The following ZNF202 variants were observed in gnomAD, a reference collection of about 807,000 sequenced individuals.
ZNF202 encodes the protein zinc finger protein 202.
In ZNF202, 22 loss-of-function variants were observed where a neutral mutation model predicts 54.5. The ratio of observed to expected loss-of-function variants is 0.40; its 90% CI spans 0.29 to 0.58. The LOEUF (loss-of-function observed/expected upper bound fraction) is 0.58. Ranked by LOEUF, ZNF202 falls within the 20% of genes least tolerant of loss-of-function variation. The pLI is 0.39. For missense variants in ZNF202, 644 were observed against 805.5 expected (o/e 0.80, Z 2.43); for synonymous variants, 294 against 301.4 (o/e 0.98, Z 0.26).
chr11:123,724,523 T>C lies in ZNF202; in HGVS notation c.*1474A>G, dbSNP rs1327434347. The C allele has an allele frequency of 1.3e-5, 2 of 152,150 alleles. No individual in the cohort carries two copies. Among genetic ancestry groups the C allele is most frequent in the Non-Finnish European group, 2.9e-5 (2 of 68,024 alleles). The allele number at this position is 152,150 out of a possible 1,614,324, so 9.4% of individuals were successfully genotyped here. A position where few individuals can be genotyped will look rare whatever the true frequency, so the allele number is the denominator to read the frequency against. On this transcript the variant is annotated 3_prime_UTR_variant, in exon 9 of 9. Transcript: ENST00000530393. ...CCCTATTCCTCGGGCCCATAATGCA[T>C]TATGAGATAGAGGAGAAGAAACCAG...
At chr11:123,731,536 G>T (rs1144504) in intron 3 of ZNF202, among the ~76,000 whole-genome samples, 1 of 152,128 alleles carries the variant, frequency 6.6e-6, no homozygotes, top group African/African-American at 2.4e-5. Context: ...CCAACCATGA[G>T]GGAGATGTGT....
At chr11:123,732,111 G>A (rs1861432195) in intron 3 of ZNF202, among the ~76,000 whole-genome samples, 2 of 152,014 alleles carry the variant, frequency 1.3e-5, no homozygotes, top group Non-Finnish European at 2.9e-5. Flanking sequence ...TCTTTTTAAC[G>A]GGTCTTGTCT....
chr11:123,726,417 G>C lies in ZNF202; in HGVS notation c.1527C>G (p.Phe509Leu). ...HQRTHTGEKP[F>L]FCTICGKSFS... ...AGCTTTTGCCACAAATAGTACAAAAGAAGGGTTTTTCTCCAGTATGTGTCC... is the reference window on the plus strand; with the variant it reads ...AGCTTTTGCCACAAATAGTACAAAACAAGGGTTTTTCTCCAGTATGTGTCC... Residue 509 changes from phenylalanine to leucine, a missense_variant, in exon 9 of 9, where the codon TTC (phenylalanine) becomes TTG (leucine). Phe to Leu is a conservative substitution (Grantham distance 22). Coordinates refer to ENST00000530393, the MANE Select transcript of ZNF202 (RefSeq NM_003455.4). This position sits in a 1 kb window ranked among gnomAD's most constrained non-coding sequence, Gnocchi z 6.0. The C allele has an allele frequency of 6.2e-7, 1 of 1,614,224 alleles. No individual in the cohort carries two copies. Among genetic ancestry groups the C allele is most frequent in the Non-Finnish European group, 8.5e-7 (1 of 1,180,044 alleles).
Position 123,730,371 on chromosome 11 carries a change from C to G in ZNF202, c.402+116G>C. Reference sequence around the variant, plus strand: ...ATGGGGCTCATGGTATATGAGCAACCCAAGGGCAGAGCCCACTAATAATTT... The same window carrying G: ...ATGGGGCTCATGGTATATGAGCAACGCAAGGGCAGAGCCCACTAATAATTT... On this transcript the variant is annotated intron_variant, in intron 4 of 8. Transcript: ENST00000530393. This position sits in a 1 kb window ranked among gnomAD's most constrained non-coding sequence, Gnocchi z 6.0. 1 of 1,353,754 alleles carries G rather than the reference C, an allele frequency of 7.4e-7. No homozygotes were observed. Among genetic ancestry groups the G allele is most frequent in the Admixed American group, 2.4e-5 (1 of 41,896 alleles). 83.9% of individuals were successfully genotyped at this position (1,353,754 alleles called of 1,614,324 possible).
At position 123,723,925 on chromosome 11, in the gene ZNF202, T is replaced by C. The variant is rs891757086; in HGVS notation, c.*2072A>G. ...CCAGCCTCACAAGCTTTCCCTCATG[T>C]AGAACTCTGACAGATTTTCATTTAT... On this transcript the variant is annotated 3_prime_UTR_variant, in exon 9 of 9. Transcript: ENST00000530393. Among the ~76,000 whole-genome samples, 1 of 152,230 alleles carries C rather than the reference T, an allele frequency of 6.6e-6. No individual in the cohort carries two copies. The highest frequency in any genetic ancestry group is 1.5e-5 in the Non-Finnish European group (1 of 68,042).
In ZNF202 at chr11:123,730,841, C is replaced by T. The variant is rs1399965292; in HGVS notation, c.48G>A (p.Glu16=). The change falls in exon 4 of 9, where the codon GAG becomes GAA. Residue 16 remains glutamate, a synonymous_variant. Coordinates refer to ENST00000530393, the MANE Select transcript of ZNF202 (RefSeq NM_003455.4). This position sits in a 1 kb window ranked among gnomAD's most constrained non-coding sequence, Gnocchi z 6.0. The part of the protein sequence containing the change: ...EPEDQDLWEE[E]GILMVKLEDD... ...CTTCCAGTTTCACCATCAGAATTCC[C>T]TCTTCTTCCCAAAGATCCTGGTCCT... is the stretch of plus-strand genomic sequence containing the variant. The T allele has an allele frequency of 1.9e-6, 3 of 1,614,048 alleles. No individual in the cohort carries two copies. Among genetic ancestry groups the T allele is most frequent in the Non-Finnish European group, 2.5e-6 (3 of 1,180,044 alleles).
Position 123,726,245 on chromosome 11 carries a change from A to G in ZNF202, c.1699T>C (p.Cys567Arg). ...GTGAAGCAGCGCCCGCACTCGCTGC[A>G]GAGGTAGAGTTCCTCAGCAGCGTGC... ...KTHAAEELYL[C>R]SECGRCFTHS... The change falls in exon 9 of 9, where the codon TGC becomes CGC. Residue 567 changes from cysteine (C) to arginine (R), a missense_variant. Cys to Arg is a radical substitution (Grantham distance 180). Transcript: ENST00000530393. The surrounding 1 kb of genome is among the most constrained non-coding windows in gnomAD (Gnocchi z 6.0). The G allele has an allele frequency of 6.2e-7, 1 of 1,614,226 alleles. No individual in the cohort carries two copies. The highest frequency in any genetic ancestry group is 8.5e-7 in the Non-Finnish European group (1 of 1,180,046).
At chr11:123,731,251 C>A (rs1861394340) in intron 3 of ZNF202, among the ~76,000 whole-genome samples, 2 of 152,164 alleles carry the variant, frequency 1.3e-5, no homozygotes, top group Non-Finnish European at 2.9e-5. Flanking sequence ...CTGCCAATTC[C>A]CCCGCTTAAG....
intron 3 of ZNF202, among the ~76,000 whole-genome samples, chr11:123,733,814 C>T (rs1861515198): frequency 6.6e-6 from 1 of 152,112 alleles, no homozygotes; most frequent in African/African-American, 2.4e-5. Flanking sequence ...TTTGGCCTAC[C>T]CAAGGTTCTG....
Position 123,725,996 on chromosome 11 carries a change from G to A in ZNF202, c.*1C>T, listed in dbSNP as rs771827999. 26 of 1,608,402 alleles carry A rather than the reference G, an allele frequency of 1.6e-5. 1 individual carries two copies. In the South Asian group the frequency reaches 2.5e-4, roughly 16 times the overall value. The stretch of plus-strand genomic sequence containing the variant: ...GCAGATCTCCTCACATGGGGACCTA[G>A]CTAGGAGGTCTTTTCTGAGTGGGTC... On this transcript the variant is annotated 3_prime_UTR_variant, in exon 9 of 9. Coordinates refer to ENST00000530393, the MANE Select transcript of ZNF202 (RefSeq NM_003455.4).
chr11:123,731,372 A>G (rs537184251), intron 3 of ZNF202, among the ~76,000 whole-genome samples: 1 of 152,356 alleles, frequency 6.6e-6, no homozygotes, highest in African/African-American at 2.4e-5. Flanking sequence ...GCAGTACTCA[A>G]CTATAAGCAA....
intron 3 of ZNF202, among the ~76,000 whole-genome samples, chr11:123,739,190 A>G (rs1481693952): frequency 2.0e-5 from 3 of 152,252 alleles, no homozygotes; most frequent in Non-Finnish European, 4.4e-5. Context: ...TGGGTAATAA[A>G]CCATTCACAG....
chr11:123,726,313 T>G lies in ZNF202; in HGVS notation c.1631A>C (p.Glu544Ala), dbSNP rs781076085. 15 of 1,614,206 alleles carry G rather than the reference T, an allele frequency of 9.3e-6. No individual in the cohort carries two copies. Among genetic ancestry groups the G allele is most frequent in the Non-Finnish European group, 1.2e-5 (14 of 1,180,032 alleles). Residue 544 changes from glutamate (E) to alanine (A), a missense_variant, in exon 9 of 9, where the codon GAG becomes GCG. Transcript: ENST00000530393. The surrounding 1 kb of genome is among the most constrained non-coding windows in gnomAD (Gnocchi z 6.0). ...GTACCGCCTGTGTTCACTGAAGTCC[T>G]CACCACACTCTCCACACAAGTAGGG... ...GKPYLCGECG[E>A]DFSEHRRYLA...
chr11:123,727,052 A>G (rs1861183438), intron 8 of ZNF202, 61 bp from the exon 9 acceptor site: 1 of 1,531,268 alleles, frequency 6.5e-7, no homozygotes, highest in Non-Finnish European at 8.7e-7. Flanking sequence ...CTTCTACACA[A>G]TGGGGAGATT....
rs1861103079 is a variant in ZNF202, at chr11:123,725,785, T to A, written c.*212A>T. The A allele has an allele frequency of 5.2e-6, 3 of 577,446 alleles. No individual in the cohort carries two copies. Among genetic ancestry groups the A allele is most frequent in the Non-Finnish European group, 9.0e-6 (3 of 335,182 alleles). 35.8% of individuals were successfully genotyped at this position (577,446 alleles called of 1,614,324 possible). ...GAAGGAGAAGCCTCAATTCAGGTTG[T>A]ACTTTGGATGAAACATCCCCTCAAG... On this transcript the variant is annotated 3_prime_UTR_variant, in exon 9 of 9. Transcript: ENST00000530393.
In ZNF202 at chr11:123,728,381, G is replaced by C. The variant is rs899245222; in HGVS notation, c.703-119C>G. On this transcript the variant is annotated intron_variant, in intron 6 of 8. Transcript: ENST00000530393. ...AGGAGATGAAAGGAGCTTGAGTGGC[G>C]GGCTGCTTAAACTCATTCTCGGGGG... 10 of 1,305,874 alleles carry C rather than the reference G, an allele frequency of 7.7e-6. No individual in the cohort carries two copies. In the East Asian group the frequency reaches 3.3e-4, roughly 43 times the overall value. The allele number at this position is 1,305,874 out of a possible 1,614,324, so 80.9% of individuals were successfully genotyped here.
chr11:123,728,420 C>T lies in ZNF202; in HGVS notation c.703-158G>A, dbSNP rs1861252651. ...CATTCTCGGGGGAGCCATGTGTCCCCTGTGGCACTGGCCCTGCCCCCTCCA... is the reference window on the plus strand; with the variant it reads ...CATTCTCGGGGGAGCCATGTGTCCCTTGTGGCACTGGCCCTGCCCCCTCCA... On this transcript the variant is annotated intron_variant, in intron 6 of 8. Transcript: ENST00000530393. 2.6e-5 allele frequency among the ~76,000 whole-genome samples: 4 copies of T among 152,032 alleles called. No individual in the cohort carries two copies. The South Asian group carries it at 8.3e-4, about 32-fold the overall frequency.
intron 3 of ZNF202, among the ~76,000 whole-genome samples, chr11:123,736,297 A>T (rs904490920): frequency 2.6e-5 from 4 of 152,236 alleles, no homozygotes; most frequent in Non-Finnish European, 4.4e-5. Flanking sequence ...CATCAACCTA[A>T]AGGAGAGACA....
intron 5 of ZNF202, 94 bp from the exon 6 acceptor site, chr11:123,729,308 T>C (rs1467740123): frequency 1.6e-6 from 2 of 1,285,258 alleles, no homozygotes; most frequent in Admixed American, 3.9e-5. Context: ...GGTAGGAAGG[T>C]GGCCCTATCC....
Sources: gnomAD v4.1 joint callset for allele counts (sites outside exome capture counted in the v4.1 genomes callset) on GRCh38, gnomAD v4.1.1 for gene constraint, Gnocchi (gnomAD v3.1) non-coding constraint, MANE v1.5 for transcripts, NCBI Gene and HGNC (gene_info 2026-07-23, HGNC 2026-07-21) for gene names.